Variants in APLP2 observed in about 807,000 individuals in gnomAD.
APLP2 encodes amyloid beta precursor like protein 2.
In APLP2, 53 loss-of-function variants were observed where a neutral mutation model predicts 89.9. The observed-to-expected ratio is 0.59, with a 90% CI of 0.47 to 0.74. The LOEUF (loss-of-function observed/expected upper bound fraction) is 0.74. Among genes scored for constraint, APLP2 ranks in the 30% least tolerant of loss-of-function variants. APLP2 has a pLI of 0.00. For missense variants in APLP2, 973 were observed against 975.9 expected (o/e 1.00, Z 0.04); for synonymous variants, 372 against 348.6 (o/e 1.07, Z -0.75).
At chr11:130,070,980 G>A (rs965782995) in intron 1 of APLP2, among the ~76,000 whole-genome samples, 3 of 152,348 alleles carry the variant, frequency 2.0e-5, no homozygotes, top group African/African-American at 7.2e-5. Context: ...GCCGGAGCGG[G>A]CAGCCTTGGA....
chr11:130,143,324 A>G, intron 16 of APLP2, 23 bp from the exon 17 acceptor site: 1 of 1,607,026 alleles, frequency 6.2e-7, no homozygotes, highest in Non-Finnish European at 8.5e-7. Context: ...CACCACAATG[A>G]CCCTCAGGTT....
Position 130,143,502 on chromosome 11 carries a change from C to A in APLP2, c.*54C>A. 1 of 1,470,858 alleles carries A rather than the reference C, an allele frequency of 6.8e-7. No individual in the cohort carries two copies. The highest frequency in any genetic ancestry group is 9.5e-7 in the Non-Finnish European group (1 of 1,052,280). The allele number at this position is 1,470,858 out of a possible 1,614,324, so 91.1% of individuals were successfully genotyped here. ...AGGGATGCAGGTGGGCCGGAAGATC[C>A]CACGATTCCGATCGACTGCCAAGCA... On this transcript the variant is annotated 3_prime_UTR_variant, in exon 17 of 17. Coordinates refer to ENST00000338167, the MANE Select transcript of APLP2 (RefSeq NM_001142276.2).
intron 1 of APLP2, among the ~76,000 whole-genome samples, chr11:130,088,932 C>A (rs1193806437): frequency 1.3e-5 from 2 of 152,054 alleles, no homozygotes; most frequent in African/African-American, 4.8e-5. Context: ...GCTCACGTTA[C>A]CCTCTGGAAT....
At chr11:130,109,752 T>A in intron 2 of APLP2, 150 bp downstream of exon 2, 2 of 810,402 alleles carry the variant, frequency 2.5e-6, no homozygotes, top group Non-Finnish European at 3.7e-6. Context: ...TCTAAATGTG[T>A]GGCATGACTG....
Position 130,139,958 on chromosome 11 carries a change from G to A in APLP2, c.1838-440G>A, listed in dbSNP as rs1371727207. 5.9e-5 allele frequency among the ~76,000 whole-genome samples: 9 copies of A among 152,174 alleles called. No individual in the cohort carries two copies. In the South Asian group the frequency reaches 1.9e-3, roughly 31 times the overall value. ...TTGAGGCAGAATGAATTCCCTGTGG[G>A]CTAACCTACTATGTCCAAGGCAAAC... On this transcript the variant is annotated intron_variant, in intron 13 of 16. Transcript: ENST00000338167.
In APLP2 at chr11:130,135,096, G is replaced by T. The variant is rs189444109; in HGVS notation, c.1685-467G>T. Among the ~76,000 whole-genome samples, 309 of 152,068 alleles carry T rather than the reference G, an allele frequency of 2.0e-3. 1 individual carries two copies. Among genetic ancestry groups the T allele is most frequent in the African/African-American group, 7.2e-3 (298 of 41,452 alleles). The stretch of plus-strand genomic sequence containing the variant: ...TGAAGTGGTAGTTGTAGTTACGTGG[G>T]GTGGATACGTCTAGAGATGGGATGG... On this transcript the variant is annotated intron_variant, in intron 12 of 16. Coordinates refer to ENST00000338167, the MANE Select transcript of APLP2 (RefSeq NM_001142276.2).
intron 3 of APLP2, among the ~76,000 whole-genome samples, chr11:130,115,770 G>C (rs1949088646): frequency 6.6e-6 from 1 of 152,138 alleles, no homozygotes; most frequent in African/African-American, 2.4e-5. Context: ...TTTTCCCTAG[G>C]AGCTTCTGAT....
At chr11:130,117,517 A>G (rs60597730) in intron 3 of APLP2, among the ~76,000 whole-genome samples, 2,156 of 151,988 alleles carry the variant, frequency 0.014, 54 homozygotes, top group African/African-American at 0.05. Flanking sequence ...GCTCACTGCA[A>G]CCTCAGCCTC....
chr11:130,129,342 G>C, intron 10 of APLP2, 136 bp downstream of exon 10: 19 of 1,019,008 alleles, frequency 1.9e-5, no homozygotes, highest in Non-Finnish European at 2.4e-5. Context: ...TGATGAGGGA[G>C]GAAAAGGTAT....
At chr11:130,135,903 G>A (rs895055038) in intron 13 of APLP2, among the ~76,000 whole-genome samples, 188 bp downstream of exon 13, 5 of 152,170 alleles carry the variant, frequency 3.3e-5, no homozygotes, top group Admixed American at 1.3e-4. Context: ...CAAATCATTG[G>A]TGTCAATGTC....
intron 13 of APLP2, chr11:130,138,733 A>T (rs1447227059): frequency 6.7e-6 from 1 of 149,360 alleles, no homozygotes; most frequent in African/African-American, 2.5e-5. Flanking sequence ...CCACAGGTGC[A>T]TGCCACCACC....
chr11:130,115,511 G>A lies in APLP2; in HGVS notation c.403+4850G>A, dbSNP rs948505735. Among the ~76,000 whole-genome samples the A allele has an allele frequency of 4.6e-5, 7 of 152,316 alleles. No homozygotes were observed. In the South Asian group the frequency reaches 1.5e-3, roughly 32 times the overall value. On this transcript the variant is annotated intron_variant, in intron 3 of 16. Transcript: ENST00000338167. ...ATCACAGGGATGATTAGAAATTGGC[G>A]ATAAATCCTAACTGCAGCTTAAATG...
chr11:130,109,776 G>A (rs1373381444), intron 2 of APLP2, 174 bp downstream of exon 2: 1 of 612,206 alleles, frequency 1.6e-6, no homozygotes, highest in African/African-American at 1.9e-5. Flanking sequence ...CCTCTCAAAG[G>A]CTTTGCCTGC....
intron 3 of APLP2, among the ~76,000 whole-genome samples, chr11:130,112,105 T>C (rs11221967): frequency 0.22 from 33,132 of 152,080 alleles, 4,972 homozygotes; most frequent in East Asian, 0.43. Context: ...AATAGGCTTA[T>C]AGTCATGATT....
chr11:130,091,246 G>C (rs71352176), intron 1 of APLP2, among the ~76,000 whole-genome samples: 155 of 133,810 alleles, frequency 1.2e-3, no homozygotes, highest in Middle Eastern at 4.5e-3. Context: ...CCTCCCGCAC[G>C]GGGCGGCTGG....
At chr11:130,125,379 C>G (rs941734499) in intron 7 of APLP2, among the ~76,000 whole-genome samples, 1 of 138,572 alleles carries the variant, frequency 7.2e-6, no homozygotes, top group Non-Finnish European at 1.5e-5. Context: ...TGTCACTGAT[C>G]CGCATGATGG....
Position 130,122,446 on chromosome 11 carries a change from G to A in APLP2, c.855G>A (p.Glu285=). Residue 285 remains glutamate, a synonymous_variant, in exon 6 of 17, where the codon GAG becomes GAA. Transcript: ENST00000338167. Reference sequence around the variant, plus strand: ...CCTTCAAAGGAGATGACTACAATGAGGAGAATCCTACTGAACCCGGCAGCG... The same window carrying A: ...CCTTCAAAGGAGATGACTACAATGAAGAGAATCCTACTGAACCCGGCAGCG... ...YDTFKGDDYN[E]ENPTEPGSDG... is the part of the protein sequence containing the mutation. 3 of 1,614,132 alleles carry A rather than the reference G, an allele frequency of 1.9e-6. No homozygotes were observed. The highest frequency in any genetic ancestry group is 2.5e-6 in the Non-Finnish European group (3 of 1,180,010).
intron 3 of APLP2, among the ~76,000 whole-genome samples, chr11:130,114,576 T>C (rs1948965544): frequency 6.6e-6 from 1 of 152,344 alleles, no homozygotes; most frequent in African/African-American, 2.4e-5. Flanking sequence ...TTATAACATG[T>C]CCCTATCATT....
At chr11:130,087,604 G>A (rs1419684810) in intron 1 of APLP2, among the ~76,000 whole-genome samples, 3 of 152,078 alleles carry the variant, frequency 2.0e-5, no homozygotes, top group Non-Finnish European at 4.4e-5. Context: ...AGAGAACATT[G>A]GTTTGAAATG....
Sources: gnomAD v4.1 joint callset for allele counts (sites outside exome capture counted in the v4.1 genomes callset) on GRCh38, gnomAD v4.1.1 for gene constraint, MANE v1.5 for transcripts, NCBI Gene and HGNC (gene_info 2026-07-23, HGNC 2026-07-21) for gene names.